The following IMPG1 variants were observed in gnomAD, a reference collection of about 807,000 sequenced individuals.
The protein encoded by IMPG1 is interphotoreceptor matrix proteoglycan of 150 kDa.
Under a neutral mutation model 92.0 loss-of-function variants are expected in IMPG1, and 85 were observed. The observed-to-expected ratio is 0.92, with a 90% confidence interval of 0.78 to 1.11. The LOEUF (loss-of-function observed/expected upper bound fraction) is 1.11. IMPG1 is among the 50% of genes least tolerant of loss of function. The pLI is 0.00. For synonymous variants in IMPG1, 367 were observed against 334.1 expected, an observed-to-expected ratio of 1.10 and a Z score of -1.08; for missense variants, 1,022 against 956.0, an observed-to-expected ratio of 1.07 and a Z score of -0.91.
intron 12 of IMPG1, among the ~76,000 whole-genome samples, chr6:75,965,665 T>C (rs1450480889): frequency 1.4e-5 from 2 of 140,530 alleles, no homozygotes; most frequent in African/African-American, 2.7e-5. Flanking sequence ...TGGAGTGCAG[T>C]GTGGCCGGTC....
chr6:76,034,495 C>G lies in IMPG1; in HGVS notation c.468+126G>C, dbSNP rs533084483. On this transcript the variant is annotated intron_variant, in intron 3 of 16. Coordinates refer to ENST00000369950, the MANE Select transcript of IMPG1 (RefSeq NM_001563.4). ...AGAATAAAATTTCTATTGGCCTAAT[C>G]AGATACCTCCAAGCACTTCTTCAAT... is the stretch of plus-strand genomic sequence containing the variant. 400 of 1,230,142 alleles carry G rather than the reference C, an allele frequency of 3.3e-4. 1 individual carries two copies. The African/African-American group carries it at 3.5e-3, about 11-fold the overall frequency. 76.2% of individuals were successfully genotyped at this position (1,230,142 alleles called of 1,614,324 possible).
chr6:76,057,879 A>C (rs1267513567), intron 1 of IMPG1, among the ~76,000 whole-genome samples: 1 of 152,180 alleles, frequency 6.6e-6, no homozygotes, highest in Admixed American at 6.6e-5. Flanking sequence ...CTAGTCTTTG[A>C]AAACTTTTAC....
chr6:76,056,945 C>T (rs137949130), intron 1 of IMPG1, among the ~76,000 whole-genome samples: 7,617 of 152,188 alleles, frequency 0.05, 293 homozygotes, highest in Admixed American at 0.092. Context: ...TACATATACA[C>T]CATGGAATAT....
At chr6:76,036,275 A>G (rs1371475032) in intron 2 of IMPG1, among the ~76,000 whole-genome samples, 1 of 152,226 alleles carries the variant, frequency 6.6e-6, no homozygotes, top group African/African-American at 2.4e-5. Flanking sequence ...TAGAGGAGCA[A>G]AACCAAAGCA....
chr6:75,932,769 C>G (rs963056976), intron 14 of IMPG1, among the ~76,000 whole-genome samples: 1 of 151,918 alleles, frequency 6.6e-6, no homozygotes, highest in Non-Finnish European at 1.5e-5. Context: ...GGCGCCATCT[C>G]AACTCACTGT....
At chr6:75,988,182 T>C (rs185062008) in intron 12 of IMPG1, among the ~76,000 whole-genome samples, 4 of 152,342 alleles carry the variant, frequency 2.6e-5, no homozygotes, top group African/African-American at 7.2e-5. Context: ...TTCTAGATCC[T>C]TGAGGAATCA....
intron 15 of IMPG1, among the ~76,000 whole-genome samples, chr6:75,929,523 G>T (rs939658575): frequency 7.3e-6 from 1 of 137,422 alleles, no homozygotes; most frequent in Non-Finnish European, 1.5e-5. Flanking sequence ...CACAGGAAGG[G>T]GAACATCACA....
Position 76,025,273 on chromosome 6 carries a change from G to T in IMPG1, c.498-15C>A, listed in dbSNP as rs758124177. 23 of 1,470,264 alleles carry T rather than the reference G, an allele frequency of 1.6e-5. No individual in the cohort carries two copies. Among genetic ancestry groups the T allele is most frequent in the Non-Finnish European group, 2.1e-5 (22 of 1,058,094 alleles). 91.1% of individuals were successfully genotyped at this position (1,470,264 alleles called of 1,614,324 possible). Reference sequence around the variant, plus strand: ...TTTCATCTTTTCTATTAGTACAATAGAAAAGAAGGAAGAGGTGGTGAAAGA... The same window carrying T: ...TTTCATCTTTTCTATTAGTACAATATAAAAGAAGGAAGAGGTGGTGAAAGA... On this transcript the variant is annotated splice_polypyrimidine_tract_variant and intron_variant, in intron 4 of 16. Transcript: ENST00000369950.
chr6:76,063,102 G>A (rs572461825), intron 1 of IMPG1, among the ~76,000 whole-genome samples: 1 of 152,050 alleles, frequency 6.6e-6, no homozygotes, highest in African/African-American at 2.4e-5. Flanking sequence ...TACTTGGGAG[G>A]CTGAGGCAGG....
At chr6:76,047,384 G>T (rs771541257) in intron 1 of IMPG1, among the ~76,000 whole-genome samples, 1 of 152,130 alleles carries the variant, frequency 6.6e-6, no homozygotes, top group Non-Finnish European at 1.5e-5. Context: ...TTCCTCCAGG[G>T]TGGTTCATAT....
intron 8 of IMPG1, among the ~76,000 whole-genome samples, chr6:76,010,501 T>A (rs368179523): frequency 6.6e-6 from 1 of 152,226 alleles, no homozygotes; most frequent in East Asian, 1.9e-4. Context: ...GTGCCAAAGA[T>A]GTGGGAATAT....
intron 12 of IMPG1, among the ~76,000 whole-genome samples, chr6:75,960,970 T>C (rs1050269074): frequency 1.3e-5 from 2 of 152,240 alleles, no homozygotes; most frequent in African/African-American, 4.8e-5. Flanking sequence ...TTGTGGTCAC[T>C]TTCCAGGTTG....
intron 12 of IMPG1, among the ~76,000 whole-genome samples, chr6:75,955,631 A>G (rs1009280579): frequency 2.0e-5 from 3 of 152,088 alleles, no homozygotes; most frequent in Admixed American, 6.6e-5. Flanking sequence ...AACTTCCAAC[A>G]CTATGTTGAA....
chr6:76,071,273 C>T (rs1213099463), intron 1 of IMPG1, among the ~76,000 whole-genome samples: 1 of 149,706 alleles, frequency 6.7e-6, no homozygotes, highest in African/African-American at 2.4e-5. Flanking sequence ...ATTAATGTAA[C>T]AAAAAATTTA....
intron 12 of IMPG1, among the ~76,000 whole-genome samples, chr6:75,954,740 GT>G (rs1782088732): frequency 6.6e-6 from 1 of 152,102 alleles, no homozygotes; most frequent in African/African-American, 2.4e-5. Context: ...GGTTTTTAAG[GT>G]TTTAGTTCTT....
chr6:75,970,204 TC>T (rs1782382141), intron 12 of IMPG1, among the ~76,000 whole-genome samples: 1 of 152,160 alleles, frequency 6.6e-6, no homozygotes, highest in Non-Finnish European at 1.5e-5. Context: ...ATTTTTGGAG[TC>T]CTTGAAGTAT....
intron 1 of IMPG1, among the ~76,000 whole-genome samples, chr6:76,056,826 T>G (rs1295488222): frequency 1.3e-5 from 2 of 152,254 alleles, no homozygotes; most frequent in Admixed American, 1.3e-4. Flanking sequence ...ATTTGGAAAA[T>G]TAACTACTTG....
intron 15 of IMPG1, among the ~76,000 whole-genome samples, chr6:75,924,077 A>G (rs1781478577): frequency 6.6e-6 from 1 of 152,092 alleles, no homozygotes; most frequent in Admixed American, 6.6e-5. Context: ...GGCTATTATC[A>G]AAAAGCCAAA....
Position 75,990,466 on chromosome 6 carries a change from T to C in IMPG1, c.1291+12452A>G, listed in dbSNP as rs1379539504. 3.3e-5 allele frequency among the ~76,000 whole-genome samples: 5 copies of C among 152,198 alleles called. No individual in the cohort carries two copies. The South Asian group carries it at 6.2e-4, about 19-fold the overall frequency. On this transcript the variant is annotated intron_variant, in intron 12 of 16. Transcript: ENST00000369950. ...CCTATTTAAAGATGAAACTCTCATT[T>C]TCCCAGGCCAGGCATGGTGGTTCAT...
Sources: gnomAD v4.1 joint callset for allele counts (sites outside exome capture counted in the v4.1 genomes callset) on GRCh38, gnomAD v4.1.1 for gene constraint, MANE v1.5 for transcripts, NCBI Gene and HGNC (gene_info 2026-07-23, HGNC 2026-07-21) for gene names.